Variants in KCNAB1 observed in about 807,000 individuals in gnomAD.
The protein encoded by KCNAB1 is voltage-gated potassium channel subunit beta-1.
Under a neutral mutation model 64.6 loss-of-function variants are expected in KCNAB1, and 35 were observed. That is an observed-to-expected ratio of 0.54 (90% CI 0.41 to 0.72). The LOEUF (loss-of-function observed/expected upper bound fraction) is 0.72, where lower values mean the gene tolerates loss of function less well. Ranked by LOEUF, KCNAB1 falls within the 30% of genes least tolerant of loss-of-function variation. KCNAB1 has a pLI of 0.00. For synonymous variants in KCNAB1, 177 were observed against 183.8 expected, an observed-to-expected ratio of 0.96 and a Z score of 0.30; for missense variants, 401 against 512.9, an observed-to-expected ratio of 0.78 and a Z score of 2.11.
Position 156,537,138 on chromosome 3 carries a change from CAG to C in KCNAB1, c.*394_*395del, listed in dbSNP as rs1349169590. The C allele has an allele frequency of 2.5e-6, 1 of 398,294 alleles. No individual in the cohort carries two copies. The highest frequency in any genetic ancestry group is 2.1e-5 in the African/African-American group (1 of 48,268). 24.7% of individuals were successfully genotyped at this position (398,294 alleles called of 1,614,324 possible). A position where few individuals can be genotyped will look rare whatever the true frequency, so the allele number is the denominator to read the frequency against. ...GATGCAATGTGAGTTGCGTAAGAAA[CAG>C]AGTAGATAGACTAAATTCAGTGAAG... On this transcript the variant is annotated 3_prime_UTR_variant, in exon 14 of 14. Coordinates refer to ENST00000490337, the MANE Select transcript of KCNAB1 (RefSeq NM_172160.3).
At chr3:156,281,709 C>A (rs369410225) in intron 1 of KCNAB1, among the ~76,000 whole-genome samples, 3 of 151,086 alleles carry the variant, frequency 2.0e-5, no homozygotes, top group Admixed American at 6.6e-5. Context: ...TGTATGTGTC[C>A]AGGAATTTAT....
chr3:156,399,854 G>C (rs183153287), intron 1 of KCNAB1, among the ~76,000 whole-genome samples: 2 of 152,302 alleles, frequency 1.3e-5, no homozygotes, highest in African/African-American at 4.8e-5. Context: ...ATCCACTTCA[G>C]AAGCAGTATA....
At chr3:156,374,381 C>CTTAAATCCCCT (rs1560224179) in intron 1 of KCNAB1, among the ~76,000 whole-genome samples, 1 of 137,690 alleles carries the variant, frequency 7.3e-6, no homozygotes, top group African/African-American at 3.2e-5. Context: ...CTAATTTTGG[C>CTTAAATCCCCT]CATGAATTCC....
In KCNAB1 at chr3:156,531,444, C is replaced by A; in HGVS notation, c.1117C>A (p.Leu373Ile). The A allele has an allele frequency of 1.9e-6, 3 of 1,614,112 alleles. No homozygotes were observed. Reference sequence around the variant, plus strand: ...GAGAAATGAAGGTGTGAGTTCTGTGCTCCTGGGATCATCCACTCCTGAACA... The same window carrying A: ...GAGAAATGAAGGTGTGAGTTCTGTGATCCTGGGATCATCCACTCCTGAACA... ...CLRNEGVSSV[L>I]LGSSTPEQLI... The change falls in exon 13 of 14, where the codon CTC becomes ATC. Residue 373 changes from leucine (L) to isoleucine (I), a missense_variant. Physicochemically the swap from Leu to Ile is conservative, Grantham distance 5 (BLOSUM62 2). Coordinates refer to ENST00000490337, the MANE Select transcript of KCNAB1 (RefSeq NM_172160.3).
At chr3:156,361,315 C>T (rs1215687677) in intron 1 of KCNAB1, among the ~76,000 whole-genome samples, 2 of 152,162 alleles carry the variant, frequency 1.3e-5, no homozygotes, top group East Asian at 3.9e-4. Context: ...GGTCTCATCT[C>T]ATAGGGCAGG....
intron 8 of KCNAB1, among the ~76,000 whole-genome samples, chr3:156,479,759 G>A (rs1400907248): frequency 6.6e-6 from 1 of 151,994 alleles, no homozygotes; most frequent in Non-Finnish European, 1.5e-5. Flanking sequence ...GCTGATAACG[G>A]TTCCAGTTAT....
intron 13 of KCNAB1, among the ~76,000 whole-genome samples, chr3:156,531,758 C>T (rs1718714761): frequency 6.6e-6 from 1 of 152,224 alleles, no homozygotes; most frequent in Non-Finnish European, 1.5e-5. Context: ...AACTGACTTC[C>T]CAGGCCTCGC....
At chr3:156,338,753 C>T (rs1043954883) in intron 1 of KCNAB1, among the ~76,000 whole-genome samples, 1 of 152,154 alleles carries the variant, frequency 6.6e-6, no homozygotes, top group East Asian at 1.9e-4. Context: ...ATTCTGCTTT[C>T]GGGAGTGCCA....
At chr3:156,493,605 G>C (rs926763874) in intron 8 of KCNAB1, among the ~76,000 whole-genome samples, 1 of 151,972 alleles carries the variant, frequency 6.6e-6, no homozygotes, top group African/African-American at 2.4e-5. Flanking sequence ...TATATAATCT[G>C]AGTCTTATTC....
Position 156,291,519 on chromosome 3 carries a change from G to A in KCNAB1, c.276-130097G>A, listed in dbSNP as rs938810560. The A allele has an allele frequency of 5.6e-6, 6 of 1,073,068 alleles. No homozygotes were observed. The East Asian group carries it at 3.0e-4, about 53-fold the overall frequency. 66.5% of individuals were successfully genotyped at this position (1,073,068 alleles called of 1,614,324 possible). A position where few individuals can be genotyped will look rare whatever the true frequency, so the allele number is the denominator to read the frequency against. ...CATTCAGACACCGCGGACCGGCTCC[G>A]CGAAGGGCTGCGTGCAGTCACCATG... On this transcript the variant is annotated intron_variant, in intron 1 of 13. Transcript: ENST00000490337.
intron 1 of KCNAB1, among the ~76,000 whole-genome samples, chr3:156,148,178 C>G (rs1715168039): frequency 6.6e-6 from 1 of 152,182 alleles, no homozygotes; most frequent in African/African-American, 2.4e-5. Flanking sequence ...TCTTACACAT[C>G]CCACTTGCCT....
downstream of KCNAB1, chr3:156,539,047 C>G (rs2108440549): frequency 6.6e-6 from 1 of 152,068 alleles, no homozygotes; most frequent in Admixed American, 6.5e-5. Context: ...TAGTTATGTC[C>G]TTAAGAAAAA....
At chr3:156,136,643 C>T (rs563485200) in intron 1 of KCNAB1, among the ~76,000 whole-genome samples, 1 of 152,336 alleles carries the variant, frequency 6.6e-6, no homozygotes, top group East Asian at 1.9e-4. Context: ...CCCATCCTTT[C>T]GACGCCGCTC....
chr3:156,489,223 G>GA (rs929023222), intron 8 of KCNAB1, among the ~76,000 whole-genome samples: 7 of 151,852 alleles, frequency 4.6e-5, no homozygotes, highest in African/African-American at 1.4e-4. Context: ...AGTAAAAGCA[G>GA]AAAAAAAAGA....
At chr3:156,127,202 G>C (rs1398523005) in intron 1 of KCNAB1, among the ~76,000 whole-genome samples, 1 of 152,198 alleles carries the variant, frequency 6.6e-6, no homozygotes, top group Admixed American at 6.5e-5. Context: ...ATGGAGTATG[G>C]AATGGTGGAA....
chr3:156,467,982 C>G (rs1200425062), intron 7 of KCNAB1, among the ~76,000 whole-genome samples: 1 of 151,920 alleles, frequency 6.6e-6, no homozygotes, highest in Non-Finnish European at 1.5e-5. Context: ...GGCTATTTTT[C>G]TTTTGATTTC....
chr3:156,167,632 G>A (rs1197089701), intron 1 of KCNAB1, among the ~76,000 whole-genome samples: 1 of 152,106 alleles, frequency 6.6e-6, no homozygotes, highest in Non-Finnish European at 1.5e-5. Flanking sequence ...AAAATATGAT[G>A]TTTATTGAAA....
chr3:156,383,014 C>A (rs1327991994), intron 1 of KCNAB1, among the ~76,000 whole-genome samples: 1 of 152,186 alleles, frequency 6.6e-6, no homozygotes, highest in Non-Finnish European at 1.5e-5. Context: ...CTTTCTACGT[C>A]TGAACTTTGT....
At chr3:156,487,441 A>G (rs917607422) in intron 8 of KCNAB1, among the ~76,000 whole-genome samples, 1 of 152,188 alleles carries the variant, frequency 6.6e-6, no homozygotes, top group African/African-American at 2.4e-5. Context: ...CATCATTTCT[A>G]AATGTATCCC....
Sources: allele counts gnomAD v4.1 joint callset (sites outside exome capture counted in the v4.1 genomes callset), GRCh38; gene constraint gnomAD v4.1.1; transcripts MANE v1.5; gene names NCBI Gene and HGNC (gene_info 2026-07-23, HGNC 2026-07-21).